ISM1: variants seen among roughly 807,000 people sequenced by gnomAD.
The protein encoded by ISM1 is isthmin 1.
Under a neutral mutation model 46.3 loss-of-function variants are expected in ISM1, and 25 were observed. That is an observed-to-expected ratio of 0.54 (90% CI 0.39 to 0.75). The LOEUF (loss-of-function observed/expected upper bound fraction) is 0.75. ISM1 is among the 30% of genes least tolerant of loss of function. The probability of loss-of-function intolerance (pLI) is 0.00; values close to 1 mark genes in which losing one functional copy is unlikely to be tolerated. For synonymous variants in ISM1, 255 were observed against 256.7 expected (o/e 0.99, Z 0.06); for missense variants, 536 against 625.4 (o/e 0.86, Z 1.52).
chr20:13,256,389 C>G (rs928719511), intron 1 of ISM1, among the ~76,000 whole-genome samples: 1 of 137,392 alleles, frequency 7.3e-6, no homozygotes, highest in Non-Finnish European at 1.5e-5. Flanking sequence ...GAGTGAGACC[C>G]CGTCTCAAAA....
Position 13,288,668 on chromosome 20 carries a change from C to G in ISM1, c.772C>G (p.Arg258Gly). 6.2e-7 allele frequency: 1 copy of G among 1,613,874 alleles called. No individual in the cohort carries two copies. The highest frequency in any genetic ancestry group is 1.6e-4 in the Middle Eastern group (1 of 6,062). Reference protein sequence around the residue: ...CTATESRTCDRPNCPGIEDTF... With the variant: ...CTATESRTCDGPNCPGIEDTF... Reference sequence around the variant, plus strand: ...TGCAACAGAATCGAGGACCTGTGACCGTCCAAACTGCCCAGGTGCGTTTAC... The same window carrying G: ...TGCAACAGAATCGAGGACCTGTGACGGTCCAAACTGCCCAGGTGCGTTTAC... Residue 258 changes from arginine to glycine, a missense_variant, in exon 4 of 6, where the codon CGT becomes GGT. Arg to Gly is a moderately radical substitution (Grantham distance 125). This residue lies in a region of ISM1 where 367 missense variants were observed against 376.1 expected (regional missense o/e 0.98). Coordinates refer to ENST00000262487, the MANE Select transcript of ISM1 (RefSeq NM_080826.2).
the ISM1 span, among the ~76,000 whole-genome samples, chr20:13,322,006 G>A: frequency 6.6e-6 from 1 of 152,168 alleles, no homozygotes; most frequent in Non-Finnish European, 1.5e-5. Context: ...AAGAATTAAT[G>A]AGTCAACATT....
At chr20:13,223,036 G>A (rs1324765457) in intron 1 of ISM1, among the ~76,000 whole-genome samples, 2 of 152,064 alleles carry the variant, frequency 1.3e-5, no homozygotes, top group African/African-American at 4.8e-5. Context: ...GGTGGCGCAC[G>A]CCTGTAGTCC....
At chr20:13,285,385 G>A (rs1397493897) in intron 3 of ISM1, among the ~76,000 whole-genome samples, 1 of 152,228 alleles carries the variant, frequency 6.6e-6, no homozygotes, top group Non-Finnish European at 1.5e-5. Context: ...GGGTTGTCTG[G>A]ACTCTTCTGG....
the ISM1 span, among the ~76,000 whole-genome samples, chr20:13,322,257 C>T: frequency 6.6e-6 from 1 of 152,106 alleles, no homozygotes; most frequent in Non-Finnish European, 1.5e-5. Context: ...TGAGGCAGTT[C>T]GTCATCTTCA....
At chr20:13,298,867 T>C (rs2040432359) in intron 5 of ISM1, 75 bp from the exon 6 acceptor site, 3 of 1,477,788 alleles carry the variant, frequency 2.0e-6, no homozygotes, top group Non-Finnish European at 1.8e-6. Context: ...CAGCCTGGTG[T>C]CACATGCTCC....
chr20:13,299,523 G>A lies in ISM1; in HGVS notation c.*64G>A. On this transcript the variant is annotated 3_prime_UTR_variant, in exon 6 of 6. Transcript: ENST00000262487. This position sits in a 1 kb window ranked among gnomAD's most constrained non-coding sequence, Gnocchi z 5.8. The stretch of plus-strand genomic sequence containing the variant: ...TGGAGCACACACGTGCTGCACTGAC[G>A]TGCCGACTGGCGCCGAGACCTTCAT... 6.9e-7 allele frequency: 1 copy of A among 1,459,206 alleles called. No homozygotes were observed. Among genetic ancestry groups the A allele is most frequent in the Non-Finnish European group, 9.2e-7 (1 of 1,081,442 alleles). 90.4% of individuals were successfully genotyped at this position (1,459,206 alleles called of 1,614,324 possible).
the ISM1 span, among the ~76,000 whole-genome samples, chr20:13,308,845 T>A: frequency 6.6e-6 from 1 of 152,140 alleles, no homozygotes; most frequent in Non-Finnish European, 1.5e-5. Context: ...ATGAATGAGA[T>A]TAGCATCCTT....
At chr20:13,277,880 G>A (rs548737876) in intron 2 of ISM1, among the ~76,000 whole-genome samples, 14 of 152,026 alleles carry the variant, frequency 9.2e-5, no homozygotes, top group East Asian at 1.9e-4. Context: ...ACCACAGCCC[G>A]GGCCCATTGG....
intron 4 of ISM1, 38 bp from the exon 5 acceptor site, chr20:13,292,336 A>G: frequency 1.5e-6 from 2 of 1,345,240 alleles, no homozygotes; most frequent in Non-Finnish European, 2.1e-6. Flanking sequence ...AACTTTTTCC[A>G]TGTAATGATG....
chr20:13,254,092 G>A (rs1412542923), intron 1 of ISM1, among the ~76,000 whole-genome samples: 1 of 150,150 alleles, frequency 6.7e-6, no homozygotes, highest in South Asian at 2.1e-4. Context: ...CAAACATTAG[G>A]CATGGTGGTA....
downstream of ISM1, among the ~76,000 whole-genome samples, chr20:13,305,613 A>T (rs989311625): frequency 6.6e-6 from 1 of 152,210 alleles, no homozygotes; most frequent in African/African-American, 2.4e-5. Flanking sequence ...ATATACAGAA[A>T]CATACATCCA....
At chr20:13,264,079 T>C (rs1198890344) in intron 1 of ISM1, among the ~76,000 whole-genome samples, 1 of 152,290 alleles carries the variant, frequency 6.6e-6, no homozygotes, top group South Asian at 2.1e-4. Flanking sequence ...ATGATAACTT[T>C]AGCCATCATT....
chr20:13,296,894 A>T (rs1326329152), intron 5 of ISM1, among the ~76,000 whole-genome samples: 1 of 152,092 alleles, frequency 6.6e-6, no homozygotes, highest in African/African-American at 2.4e-5. Flanking sequence ...GGCAGGTGCC[A>T]GTATTCCCAG....
chr20:13,228,932 C>T (rs987098122), intron 1 of ISM1, among the ~76,000 whole-genome samples: 12 of 152,078 alleles, frequency 7.9e-5, no homozygotes, highest in Admixed American at 2.6e-4. Flanking sequence ...CATAACTGAA[C>T]GCTCATAGTA....
At chr20:13,223,166 AT>A (rs200164631) in intron 1 of ISM1, among the ~76,000 whole-genome samples, 7,788 of 144,078 alleles carry the variant, frequency 0.054, 360 homozygotes, top group East Asian at 0.15. Flanking sequence ...CAAAAAAAAA[AT>A]AAAATAAAAT....
intron 1 of ISM1, among the ~76,000 whole-genome samples, chr20:13,268,027 G>C (rs1600528330): frequency 6.6e-6 from 1 of 152,194 alleles, no homozygotes; most frequent in Non-Finnish European, 1.5e-5. Flanking sequence ...AAAAGCAAGG[G>C]AACAAATGCA....
the ISM1 span, among the ~76,000 whole-genome samples, chr20:13,319,577 G>A: frequency 1.5e-4 from 23 of 152,214 alleles, no homozygotes; most frequent in Non-Finnish European, 2.9e-4. Context: ...ATGGCAGCTC[G>A]TAGAAGTATA....
At chr20:13,311,534 T>G in the ISM1 span, among the ~76,000 whole-genome samples, 1 of 152,216 alleles carries the variant, frequency 6.6e-6, no homozygotes, top group Non-Finnish European at 1.5e-5. Context: ...GAAATCAACA[T>G]AAGTGTTCAT....
Sources: gnomAD v4.1 joint callset for allele counts (sites outside exome capture counted in the v4.1 genomes callset) on GRCh38, gnomAD v4.1.1 for gene constraint, gnomAD v4.1.1 regional missense constraint, Gnocchi (gnomAD v3.1) non-coding constraint, MANE v1.5 for transcripts, NCBI Gene and HGNC (gene_info 2026-07-23, HGNC 2026-07-21) for gene names.